Variants in ZNF704 observed in about 807,000 individuals in gnomAD.
The protein encoded by ZNF704 is glucocorticoid induced gene 1.
A neutral mutation model predicts 44.7 loss-of-function variants in ZNF704; 10 were observed. The observed-to-expected ratio is 0.22, with a 90% CI of 0.14 to 0.38. ZNF704 has a LOEUF of 0.38. ZNF704 is among the 10% of genes least tolerant of loss of function. The pLI is 1.00. For synonymous variants in ZNF704, 211 were observed against 207.6 expected, an observed-to-expected ratio of 1.02 and a Z score of -0.14; for missense variants, 390 against 545.5, an observed-to-expected ratio of 0.71 and a Z score of 2.84.
chr8:80,718,035 C>T (rs1160224982), intron 2 of ZNF704, among the ~76,000 whole-genome samples: 2 of 152,200 alleles, frequency 1.3e-5, no homozygotes, highest in African/African-American at 4.8e-5. Flanking sequence ...TGCTTAAAAC[C>T]TGCTAAGCTG....
intron 2 of ZNF704, among the ~76,000 whole-genome samples, chr8:80,807,319 C>T (rs922961490): frequency 1.1e-4 from 16 of 152,030 alleles, no homozygotes; most frequent in Non-Finnish European, 2.1e-4. Flanking sequence ...TGCTGCTTGT[C>T]ACTGCTGAGT....
chr8:80,881,663 C>T, the ZNF704 span, among the ~76,000 whole-genome samples: 2 of 152,206 alleles, frequency 1.3e-5, no homozygotes, highest in African/African-American at 2.4e-5. Context: ...CGCAGTGGCT[C>T]ATGCCTGTAA....
intron 1 of ZNF704, among the ~76,000 whole-genome samples, chr8:80,865,419 G>C (rs1483563559): frequency 6.6e-6 from 1 of 152,170 alleles, no homozygotes; most frequent in Non-Finnish European, 1.5e-5. Context: ...AGTAACAGTT[G>C]GGTGGGGGCA....
Position 80,861,663 on chromosome 8 carries a change from C to T in ZNF704, c.-22+12908G>A, listed in dbSNP as rs557527998. On this transcript the variant is annotated intron_variant, in intron 1 of 8. Coordinates refer to ENST00000327835, the MANE Select transcript of ZNF704 (RefSeq NM_001033723.3). ...ATTTGAAGTGCTCCAGAGCTCAGTC[C>T]CAGTCACCTTCCCTTCTCTACCTGC... 7.5e-4 allele frequency among the ~76,000 whole-genome samples: 114 copies of T among 151,814 alleles called. 1 individual carries two copies. The highest frequency in any genetic ancestry group is 2.6e-3 in the African/African-American group (109 of 41,352).
At chr8:80,863,163 ACT>A (rs1320287575) in intron 1 of ZNF704, among the ~76,000 whole-genome samples, 3 of 152,052 alleles carry the variant, frequency 2.0e-5, no homozygotes, top group African/African-American at 7.2e-5. Flanking sequence ...TAATATTTCC[ACT>A]TTTTCTAATA....
rs192427146 is a variant in ZNF704, at chr8:80,736,933, G to C, written c.222-43826C>G. 5.4e-3 allele frequency among the ~76,000 whole-genome samples: 824 copies of C among 151,902 alleles called. 6 individuals are homozygous for C. The highest frequency in any genetic ancestry group is 0.019 in the African/African-American group (793 of 41,446). On this transcript the variant is annotated intron_variant, in intron 2 of 8. Coordinates refer to ENST00000327835, the MANE Select transcript of ZNF704 (RefSeq NM_001033723.3). ...ATATGGTCTAGGGCTTTGGGCCCTGGTGTTTTTTTTTTTAAAAAGCTCATC... is the reference window on the plus strand; with the variant it reads ...ATATGGTCTAGGGCTTTGGGCCCTGCTGTTTTTTTTTTTAAAAAGCTCATC...
At chr8:80,741,743 C>T (rs1351676041) in intron 2 of ZNF704, among the ~76,000 whole-genome samples, 4 of 152,182 alleles carry the variant, frequency 2.6e-5, no homozygotes, top group African/African-American at 4.8e-5. Flanking sequence ...CTACGCCGCT[C>T]GAGGGGACCT....
intron 2 of ZNF704, among the ~76,000 whole-genome samples, chr8:80,789,959 T>C (rs1318455899): frequency 6.6e-6 from 1 of 152,154 alleles, no homozygotes; most frequent in Non-Finnish European, 1.5e-5. Context: ...CAATGACTTG[T>C]CCATGAACAG....
chr8:80,834,351 T>C (rs985405103), intron 1 of ZNF704, among the ~76,000 whole-genome samples: 1 of 152,174 alleles, frequency 6.6e-6, no homozygotes, highest in Non-Finnish European at 1.5e-5. Flanking sequence ...AAATTCTTGT[T>C]AACCCTGTGA....
At chr8:80,771,620 T>C (rs1385252487) in intron 2 of ZNF704, among the ~76,000 whole-genome samples, 1 of 152,208 alleles carries the variant, frequency 6.6e-6, no homozygotes, top group Non-Finnish European at 1.5e-5. Context: ...TGGAATATTC[T>C]ACTTAAACAA....
chr8:80,736,362 C>T (rs1318839511), intron 2 of ZNF704, among the ~76,000 whole-genome samples: 1 of 152,234 alleles, frequency 6.6e-6, no homozygotes, highest in African/African-American at 2.4e-5. Context: ...TCACTGCAAC[C>T]TCTGACTCCC....
At chr8:80,838,756 A>C (rs887186177) in intron 1 of ZNF704, among the ~76,000 whole-genome samples, 1 of 149,026 alleles carries the variant, frequency 6.7e-6, no homozygotes, top group Non-Finnish European at 1.5e-5. Flanking sequence ...GAGGAGGAGG[A>C]GGCCACCCGA....
At chr8:80,854,422 T>C (rs1268763427) in intron 1 of ZNF704, among the ~76,000 whole-genome samples, 1 of 152,188 alleles carries the variant, frequency 6.6e-6, no homozygotes, top group Non-Finnish European at 1.5e-5. Context: ...AGCTTGGATC[T>C]CCTTTCCAAC....
chr8:80,773,654 G>C (rs1250409782), intron 2 of ZNF704, among the ~76,000 whole-genome samples: 2 of 152,170 alleles, frequency 1.3e-5, no homozygotes, highest in Non-Finnish European at 2.9e-5. Flanking sequence ...ATCTGAGAAT[G>C]TCTTGATTTG....
In ZNF704 at chr8:80,659,572, T is replaced by G; in HGVS notation, c.1032+13A>C. The G allele has an allele frequency of 1.9e-6, 3 of 1,613,368 alleles. No individual in the cohort carries two copies. Among genetic ancestry groups the G allele is most frequent in the Non-Finnish European group, 2.5e-6 (3 of 1,179,406 alleles). The stretch of plus-strand genomic sequence containing the variant: ...TTTGACCAGATTTTTGGCTTTTTCG[T>G]TTTTCTACTTACTGGGATGCCTGTG... On this transcript the variant is annotated intron_variant, in intron 7 of 8. Transcript: ENST00000327835.
At chr8:80,778,863 A>T (rs944808803) in intron 2 of ZNF704, among the ~76,000 whole-genome samples, 5 of 152,114 alleles carry the variant, frequency 3.3e-5, no homozygotes, top group African/African-American at 1.2e-4. Flanking sequence ...TTGAGGGTGG[A>T]GCGTGGAAGG....
intron 2 of ZNF704, among the ~76,000 whole-genome samples, chr8:80,709,858 C>A (rs1275523069): frequency 6.6e-6 from 1 of 152,194 alleles, no homozygotes; most frequent in Middle Eastern, 3.2e-3. Flanking sequence ...GGCTGTCCAC[C>A]ACCATGCTCC....
chr8:80,739,918 T>C (rs1190476230), intron 2 of ZNF704, among the ~76,000 whole-genome samples: 6 of 152,172 alleles, frequency 3.9e-5, no homozygotes, highest in African/African-American at 4.8e-5. Flanking sequence ...ACTAACCAGA[T>C]GATCCAGCAG....
At chr8:80,854,030 A>G (rs1467818513) in intron 1 of ZNF704, among the ~76,000 whole-genome samples, 1 of 152,242 alleles carries the variant, frequency 6.6e-6, no homozygotes, top group Non-Finnish European at 1.5e-5. Flanking sequence ...AAAGTTATTT[A>G]TTAAAGTCAT....
Sources: allele counts gnomAD v4.1 joint callset (sites outside exome capture counted in the v4.1 genomes callset), GRCh38; gene constraint gnomAD v4.1.1; transcripts MANE v1.5; gene names NCBI Gene and HGNC (gene_info 2026-07-23, HGNC 2026-07-21).